TFPI: variants seen among roughly 807,000 people sequenced by gnomAD.
The protein encoded by TFPI is tissue factor pathway inhibitor.
A neutral mutation model predicts 34.6 loss-of-function variants in TFPI; 15 were observed. That is an observed-to-expected ratio of 0.43 (90% CI 0.29 to 0.67). TFPI has a LOEUF of 0.67. Among genes scored for constraint, TFPI ranks in the 30% least tolerant of loss-of-function variants. The probability of loss-of-function intolerance (pLI) is 0.15; values close to 1 mark genes in which losing one functional copy is unlikely to be tolerated. For synonymous variants in TFPI, 105 were observed against 120.1 expected (o/e 0.87, Z 0.82); for missense variants, 301 against 364.0 (o/e 0.83, Z 1.41).
chr2:187,470,401 C>A (rs549863952), intron 6 of TFPI, among the ~76,000 whole-genome samples: 1 of 152,180 alleles, frequency 6.6e-6, no homozygotes, highest in South Asian at 2.1e-4. Context: ...ATCATAAAAT[C>A]AAGGTTATTT....
chr2:187,522,677 A>G (rs1687450036), intron 1 of TFPI, among the ~76,000 whole-genome samples: 1 of 148,646 alleles, frequency 6.7e-6, no homozygotes, highest in South Asian at 2.1e-4. Context: ...AGGTCAGGAG[A>G]TCAAGACCAT....
At chr2:187,498,164 A>C (rs986253203) in intron 2 of TFPI, among the ~76,000 whole-genome samples, 7 of 151,936 alleles carry the variant, frequency 4.6e-5, no homozygotes, top group Non-Finnish European at 8.8e-5. Context: ...ACAACAACAA[A>C]AAAAGAATGA....
chr2:187,480,621 C>G (rs8176525), intron 6 of TFPI, among the ~76,000 whole-genome samples: 46,436 of 151,868 alleles, frequency 0.31, 7,278 homozygotes, highest in Middle Eastern at 0.35. Context: ...TCAGTTCTAG[C>G]GTTTATGCGC....
At chr2:187,475,517 C>G (rs1032800201) in intron 6 of TFPI, among the ~76,000 whole-genome samples, 16 of 152,118 alleles carry the variant, frequency 1.1e-4, no homozygotes, top group African/African-American at 3.9e-4. Flanking sequence ...AAAACAACCT[C>G]AAAAATTAAT....
intron 1 of TFPI, among the ~76,000 whole-genome samples, chr2:187,535,578 T>A (rs951269702): frequency 1.3e-5 from 2 of 152,122 alleles, no homozygotes; most frequent in African/African-American, 4.8e-5. Context: ...GGGACACAGC[T>A]AAAGCAGTGT....
chr2:187,469,275 G>A (rs1393965885), intron 6 of TFPI, among the ~76,000 whole-genome samples: 2 of 151,998 alleles, frequency 1.3e-5, no homozygotes, highest in Admixed American at 6.6e-5. Context: ...ATATTTTTGT[G>A]CCAAACTATA....
chr2:187,475,236 A>G (rs551297777), intron 6 of TFPI, among the ~76,000 whole-genome samples: 1 of 152,330 alleles, frequency 6.6e-6, no homozygotes, highest in South Asian at 2.1e-4. Flanking sequence ...ACCTTAGGTC[A>G]TAAGATAAAG....
intron 3 of TFPI, among the ~76,000 whole-genome samples, chr2:187,492,948 G>C (rs1457357536): frequency 6.6e-6 from 1 of 152,148 alleles, no homozygotes; most frequent in Non-Finnish European, 1.5e-5. Context: ...AAATGTGCAA[G>C]TGCATGGTGC....
intron 1 of TFPI, among the ~76,000 whole-genome samples, chr2:187,534,570 C>T (rs1189934496): frequency 6.6e-6 from 1 of 152,048 alleles, no homozygotes; most frequent in Admixed American, 6.5e-5. Flanking sequence ...CTGAAGGAGG[C>T]ACTAAATATG....
intron 4 of TFPI, among the ~76,000 whole-genome samples, chr2:187,488,099 G>T (rs1025917409): frequency 6.6e-6 from 1 of 151,208 alleles, no homozygotes; most frequent in African/African-American, 2.4e-5. Flanking sequence ...CCTAATTTTT[G>T]ATTATGTCCA....
At position 187,497,371 on chromosome 2, in the gene TFPI, A is replaced by G. The variant is rs1262609873; in HGVS notation, c.122-293T>C. Among the ~76,000 whole-genome samples, 5 of 152,054 alleles carry G rather than the reference A, an allele frequency of 3.3e-5. No individual in the cohort carries two copies. The East Asian group carries it at 5.8e-4, about 18-fold the overall frequency. On this transcript the variant is annotated intron_variant, in intron 2 of 7. Transcript: ENST00000233156. Reference sequence around the variant, plus strand: ...CTTCATTCAAGTGGATGTGTCCACAATAGACCTCTTTTAACTCAGCTAATG... The same window carrying G: ...CTTCATTCAAGTGGATGTGTCCACAGTAGACCTCTTTTAACTCAGCTAATG...
At chr2:187,522,154 T>C (rs956516374) in intron 1 of TFPI, among the ~76,000 whole-genome samples, 10 of 152,164 alleles carry the variant, frequency 6.6e-5, no homozygotes, top group African/African-American at 1.7e-4. Context: ...TGTTCTCTCA[T>C]TTCAGTTTGT....
At chr2:187,493,258 TG>T (rs1685241872) in intron 3 of TFPI, among the ~76,000 whole-genome samples, 2 of 152,170 alleles carry the variant, frequency 1.3e-5, no homozygotes, top group Non-Finnish European at 2.9e-5. Flanking sequence ...GCTCGAGGCT[TG>T]CACCCTCTGA....
intron 3 of TFPI, among the ~76,000 whole-genome samples, chr2:187,492,572 A>G (rs1685188680): frequency 6.6e-6 from 1 of 152,222 alleles, no homozygotes; most frequent in Non-Finnish European, 1.5e-5. Context: ...CAAAGTCACA[A>G]GGGCAGAGCT....
chr2:187,484,791 G>T lies in TFPI; in HGVS notation c.535+20C>A. On this transcript the variant is annotated intron_variant, in intron 5 of 7. Transcript: ENST00000233156. ...AGGATGCCTATAAATGAACTAAAATGAAATAAGAAATAAACTTACGACCAT... is the reference window on the plus strand; with the variant it reads ...AGGATGCCTATAAATGAACTAAAATTAAATAAGAAATAAACTTACGACCAT... The T allele has an allele frequency of 6.4e-7, 1 of 1,560,536 alleles. No individual in the cohort carries two copies. The highest frequency in any genetic ancestry group is 8.6e-7 in the Non-Finnish European group (1 of 1,161,524).
intron 2 of TFPI, 141 bp downstream of exon 2, chr2:187,503,507 T>C: frequency 1.5e-6 from 1 of 667,922 alleles, no homozygotes; most frequent in Non-Finnish European, 2.3e-6. Context: ...ACACATACAT[T>C]AGGTATAATA....
intron 6 of TFPI, among the ~76,000 whole-genome samples, chr2:187,475,231 A>C (rs996154491): frequency 6.6e-6 from 1 of 152,216 alleles, no homozygotes; most frequent in Non-Finnish European, 1.5e-5. Flanking sequence ...TCTGTACCTT[A>C]GGTCATAAGA....
At chr2:187,530,170 A>C (rs1687889252) in intron 1 of TFPI, among the ~76,000 whole-genome samples, 1 of 152,134 alleles carries the variant, frequency 6.6e-6, no homozygotes, top group Admixed American at 6.5e-5. Context: ...TGTAATTGCA[A>C]ATCACATGTA....
At chr2:187,530,678 C>T (rs1187967519) in intron 1 of TFPI, among the ~76,000 whole-genome samples, 2 of 152,114 alleles carry the variant, frequency 1.3e-5, no homozygotes, top group Non-Finnish European at 2.9e-5. Flanking sequence ...CTGTGTTACA[C>T]ATTATATATT....
Sources: allele counts gnomAD v4.1 joint callset (sites outside exome capture counted in the v4.1 genomes callset), GRCh38; gene constraint gnomAD v4.1.1; transcripts MANE v1.5; gene names NCBI Gene and HGNC (gene_info 2026-07-23, HGNC 2026-07-21).